NHEJ1: variants seen among roughly 807,000 people sequenced by gnomAD.
NHEJ1 encodes the protein non-homologous end-joining factor 1.
A neutral mutation model predicts 39.4 loss-of-function variants in NHEJ1; 22 were observed. The observed-to-expected ratio is 0.56, with a 90% CI of 0.40 to 0.80. The LOEUF (loss-of-function observed/expected upper bound fraction) is 0.80, where lower values mean the gene tolerates loss of function less well. NHEJ1 is among the 30% of genes least tolerant of loss of function. The pLI, the probability that NHEJ1 is intolerant of heterozygous loss-of-function variation, is 0.00. For missense variants in NHEJ1, 329 were observed against 357.1 expected, an observed-to-expected ratio of 0.92 and a Z score of 0.63; for synonymous variants, 154 against 135.6, an observed-to-expected ratio of 1.14 and a Z score of -0.94.
chr2:219,079,196 C>T (rs572984823), intron 5 of NHEJ1, among the ~76,000 whole-genome samples: 37 of 152,228 alleles, frequency 2.4e-4, no homozygotes, highest in Middle Eastern at 3.4e-3. Flanking sequence ...CTAGTGGTCC[C>T]AAACCTGGCT....
chr2:219,113,872 G>C (rs1949387452), intron 5 of NHEJ1, among the ~76,000 whole-genome samples: 1 of 150,984 alleles, frequency 6.6e-6, no homozygotes, highest in African/African-American at 2.4e-5. Flanking sequence ...TCCAAAAAAA[G>C]TTCGTCCCTC....
At chr2:219,110,204 G>T (rs1433041903) in intron 5 of NHEJ1, among the ~76,000 whole-genome samples, 1 of 152,094 alleles carries the variant, frequency 6.6e-6, no homozygotes, top group African/African-American at 2.4e-5. Flanking sequence ...TCTTCACATG[G>T]GGTAAAATCA....
chr2:219,142,120 T>C (rs564979283), intron 5 of NHEJ1, among the ~76,000 whole-genome samples: 1 of 152,312 alleles, frequency 6.6e-6, no homozygotes, highest in South Asian at 2.1e-4. Flanking sequence ...CAATGTTAAC[T>C]ATAGCCCCCT....
chr2:219,121,944 T>C (rs1048383779), intron 5 of NHEJ1, among the ~76,000 whole-genome samples: 24 of 152,212 alleles, frequency 1.6e-4, no homozygotes, highest in Admixed American at 1.3e-3. Flanking sequence ...TCTGGAATTA[T>C]ATTCATCTTT....
rs542377822 is a variant in NHEJ1, at chr2:219,155,389, A to AC, written c.390+2082dup. On this transcript the variant is annotated intron_variant, in intron 3 of 7. Coordinates refer to ENST00000356853, the MANE Select transcript of NHEJ1 (RefSeq NM_024782.3). The stretch of plus-strand genomic sequence containing the variant: ...AGACCACCCTGGTCAACACAGAGAG[A>AC]CCCCCCATCTCTACAAAAAATTTTT... 4.3e-4 allele frequency among the ~76,000 whole-genome samples: 65 copies of AC among 150,554 alleles called. No individual in the cohort carries two copies. In the East Asian group the frequency reaches 5.8e-3, roughly 14 times the overall value.
At chr2:219,094,458 T>C (rs1347869979) in intron 5 of NHEJ1, among the ~76,000 whole-genome samples, 1 of 152,022 alleles carries the variant, frequency 6.6e-6, no homozygotes, top group African/African-American at 2.4e-5. Context: ...TTGGAAGAAG[T>C]TTTCCTAAAT....
chr2:219,122,578 A>G (rs1949481777), intron 5 of NHEJ1, among the ~76,000 whole-genome samples: 1 of 152,224 alleles, frequency 6.6e-6, no homozygotes, highest in African/African-American at 2.4e-5. Context: ...CAACTCCACT[A>G]AGTTGTCAGA....
At chr2:219,141,980 G>A (rs777212423) in intron 5 of NHEJ1, among the ~76,000 whole-genome samples, 4 of 152,186 alleles carry the variant, frequency 2.6e-5, no homozygotes, top group Non-Finnish European at 5.9e-5. Flanking sequence ...CGTAAGAGCA[G>A]CAGTGACTCT....
chr2:219,108,873 T>C (rs535851238), intron 5 of NHEJ1, among the ~76,000 whole-genome samples: 5 of 152,314 alleles, frequency 3.3e-5, no homozygotes, highest in Admixed American at 3.3e-4. Context: ...CAGTGAAGCT[T>C]ACTCTGTTAG....
chr2:219,130,810 T>C (rs1422082153), intron 5 of NHEJ1, among the ~76,000 whole-genome samples: 1 of 152,178 alleles, frequency 6.6e-6, no homozygotes, highest in Non-Finnish European at 1.5e-5. Flanking sequence ...AGTGTGAGGC[T>C]GGTTGCAGTG....
At position 219,097,220 on chromosome 2, in the gene NHEJ1, C is replaced by A. The variant is rs79962676; in HGVS notation, c.589-19014G>T. Among the ~76,000 whole-genome samples the A allele has an allele frequency of 2.0e-5, 3 of 152,220 alleles. No homozygotes were observed. In the East Asian group the frequency reaches 5.8e-4, roughly 29 times the overall value. ...TTCAACTTATGATATTTTAAACTTA[C>A]GATGGGTTTATCAGGATGTAACCCC... On this transcript the variant is annotated intron_variant, in intron 5 of 7. Transcript: ENST00000356853.
intron 3 of NHEJ1, among the ~76,000 whole-genome samples, chr2:219,155,382 C>A (rs904588746): frequency 6.6e-6 from 1 of 151,908 alleles, no homozygotes; most frequent in Non-Finnish European, 1.5e-5. Context: ...CTGGTCAACA[C>A]AGAGAGACCC....
intron 5 of NHEJ1, among the ~76,000 whole-genome samples, chr2:219,101,037 G>A (rs1332405978): frequency 6.6e-6 from 1 of 152,166 alleles, no homozygotes; most frequent in Non-Finnish European, 1.5e-5. Flanking sequence ...CATCCCAAAT[G>A]GGATCACATT....
intron 5 of NHEJ1, among the ~76,000 whole-genome samples, chr2:219,080,485 A>T (rs1949052090): frequency 6.6e-6 from 1 of 151,500 alleles, no homozygotes; most frequent in Non-Finnish European, 1.5e-5. Flanking sequence ...AGATTGCGCC[A>T]CTGCACTCCA....
chr2:219,087,147 C>G (rs1949119324), intron 5 of NHEJ1, among the ~76,000 whole-genome samples: 1 of 152,208 alleles, frequency 6.6e-6, no homozygotes, highest in African/African-American at 2.4e-5. Flanking sequence ...GGGCTCCGAC[C>G]AGCCTAGCAG....
intron 5 of NHEJ1, among the ~76,000 whole-genome samples, chr2:219,117,071 G>T (rs371269283): frequency 1.8e-4 from 28 of 152,018 alleles, no homozygotes; most frequent in African/African-American, 5.8e-4. Context: ...TCCTAACCTC[G>T]GCTTCACCAC....
rs181112292 is a variant in NHEJ1 at position 219,145,949 on chromosome 2, A to T, written c.588+731T>A. ...CTCCATCTCAAAAAAAAATAAAAAA[A>T]AAAAAAAGAAAATGGGGCAATAATA... On this transcript the variant is annotated intron_variant, in intron 5 of 7. Transcript: ENST00000356853. 1.5e-3 allele frequency among the ~76,000 whole-genome samples: 226 copies of T among 152,114 alleles called. No homozygotes were observed. In the Middle Eastern group the frequency reaches 0.034, roughly 23 times the overall value.
chr2:219,135,219 G>A (rs532405506), intron 5 of NHEJ1, among the ~76,000 whole-genome samples: 1 of 152,186 alleles, frequency 6.6e-6, no homozygotes, highest in Non-Finnish European at 1.5e-5. Flanking sequence ...AGGGGAAAGA[G>A]GAGGGAGACT....
At chr2:219,081,339 C>T (rs1384268465) in intron 5 of NHEJ1, among the ~76,000 whole-genome samples, 1 of 152,128 alleles carries the variant, frequency 6.6e-6, no homozygotes, top group Non-Finnish European at 1.5e-5. Context: ...AGGGAGAATG[C>T]TGGAGTCAGG....
Sources: gnomAD v4.1 joint callset for allele counts (sites outside exome capture counted in the v4.1 genomes callset) on GRCh38, gnomAD v4.1.1 for gene constraint, MANE v1.5 for transcripts, NCBI Gene and HGNC (gene_info 2026-07-23, HGNC 2026-07-21) for gene names.